Variants in CPD observed in about 807,000 individuals in gnomAD.
CPD encodes the protein metallocarboxypeptidase D.
A neutral mutation model predicts 138.3 loss-of-function variants in CPD; 69 were observed. The ratio of observed to expected loss-of-function variants is 0.50; its 90% confidence interval spans 0.41 to 0.61. The LOEUF (loss-of-function observed/expected upper bound fraction) is 0.61, where lower values mean the gene tolerates loss of function less well. Ranked by LOEUF, CPD falls within the 20% of genes least tolerant of loss-of-function variation. The pLI, the probability that CPD is intolerant of heterozygous loss-of-function variation, is 0.00. For missense variants in CPD, 1,432 were observed against 1,733.3 expected, an observed-to-expected ratio of 0.83 and a Z score of 3.09; for synonymous variants, 651 against 642.1, an observed-to-expected ratio of 1.01 and a Z score of -0.21.
At chr17:30,455,205 A>G (rs1913262726) in intron 14 of CPD, 134 bp from the exon 15 acceptor site, 8 of 736,504 alleles carry the variant, frequency 1.1e-5, no homozygotes. Context: ...ATAGTGGCTT[A>G]TGGAGAAATA....
intron 2 of CPD, among the ~76,000 whole-genome samples, chr17:30,392,302 G>A (rs1299316249): frequency 1.3e-5 from 2 of 152,048 alleles, no homozygotes; most frequent in African/African-American, 2.4e-5. Context: ...GAGCCACTGC[G>A]CCCGGCCTAA....
intron 17 of CPD, chr17:30,456,846 C>CAA (rs11353479): frequency 0.018 from 1,172 of 66,302 alleles, 22 homozygotes; most frequent in African/African-American, 0.05. Context: ...GATTCCATCT[C>CAA]AAAAAAAAAA....
rs958136529 is a variant in CPD, at chr17:30,469,165, T to A, written c.*4351T>A. Reference sequence around the variant, plus strand: ...TAGGAATTGGGAAAGCAAAGTTGTATGAGAAACAGACTCTGCTGATAAAGT... The same window carrying A: ...TAGGAATTGGGAAAGCAAAGTTGTAAGAGAAACAGACTCTGCTGATAAAGT... On this transcript the variant is annotated 3_prime_UTR_variant, in exon 21 of 21. Transcript: ENST00000225719. 2.0e-5 allele frequency: 3 copies of A among 152,170 alleles called. No individual in the cohort carries two copies. The highest frequency in any genetic ancestry group is 7.2e-5 in the African/African-American group (3 of 41,440). The allele number at this position is 152,170 out of a possible 1,614,324, so 9.4% of individuals were successfully genotyped here.
Position 30,421,723 on chromosome 17 carries a change from T to G in CPD, c.1197T>G (p.Asn399Lys), listed in dbSNP as rs1567874494. The G allele has an allele frequency of 6.2e-7, 1 of 1,613,746 alleles. No individual in the cohort carries two copies. The highest frequency in any genetic ancestry group is 8.5e-7 in the Non-Finnish European group (1 of 1,179,668). The change falls in exon 4 of 21, where the codon AAT becomes AAG. Residue 399 changes from asparagine (N) to lysine (K), a missense_variant. By Grantham distance (94) the Asn-to-Lys change is moderately conservative (BLOSUM62 0). Transcript: ENST00000225719. Reference protein sequence around the residue: ...KDSITGSGLENATISVAGINH... With the variant: ...KDSITGSGLEKATISVAGINH... Reference sequence around the variant, plus strand: ...CCATAACAGGATCTGGGTTAGAGAATGCAACCATCTCAGTGGCTGGTATTA... The same window carrying G: ...CCATAACAGGATCTGGGTTAGAGAAGGCAACCATCTCAGTGGCTGGTATTA...
intron 2 of CPD, among the ~76,000 whole-genome samples, chr17:30,399,554 A>G (rs1307137512): frequency 6.6e-6 from 1 of 152,108 alleles, no homozygotes; most frequent in Non-Finnish European, 1.5e-5. Context: ...ATCGTTATGT[A>G]ATGTCCCTCT....
intron 11 of CPD, among the ~76,000 whole-genome samples, chr17:30,445,232 A>G (rs1912994169): frequency 6.6e-6 from 1 of 152,196 alleles, no homozygotes; most frequent in South Asian, 2.1e-4. Context: ...TGGGAGGCAG[A>G]GGCAGGTGGA....
chr17:30,420,763 C>T, intron 2 of CPD, 78 bp from the exon 3 acceptor site: 1 of 1,311,904 alleles, frequency 7.6e-7, no homozygotes, highest in Non-Finnish European at 1.1e-6. Context: ...CCAGAGATGG[C>T]TGATTTAATT....
intron 2 of CPD, among the ~76,000 whole-genome samples, chr17:30,406,683 G>A (rs1387212807): frequency 1.3e-5 from 2 of 152,130 alleles, no homozygotes; most frequent in Non-Finnish European, 2.9e-5. Context: ...GTTACTCTAC[G>A]TCATTGCCTT....
chr17:30,431,437 A>C (rs535183211), intron 7 of CPD, among the ~76,000 whole-genome samples: 1 of 152,248 alleles, frequency 6.6e-6, no homozygotes, highest in African/African-American at 2.4e-5. Context: ...TTGATGCATA[A>C]AAGTTTTTGA....
In CPD at chr17:30,422,816, A is replaced by G; in HGVS notation, c.1450A>G (p.Asn484Asp). 1 of 1,614,092 alleles carries G rather than the reference A, an allele frequency of 6.2e-7. No individual in the cohort carries two copies. The highest frequency in any genetic ancestry group is 2.2e-5 in the East Asian group (1 of 44,878). Residue 484 changes from asparagine (N) to aspartate (D), a missense_variant, in exon 5 of 21, where the codon AAT becomes GAT. Coordinates refer to ENST00000225719, the MANE Select transcript of CPD (RefSeq NM_001304.5). The part of the protein sequence containing the change: ...VSTASTVAIP[N>D]ILSGTSSSYQ... ...AACTGCTAGCACAGTTGCTATACCT[A>G]ATATTCTTTCTGGAACATCATCCTC...
At chr17:30,393,294 G>A (rs1278717737) in intron 2 of CPD, among the ~76,000 whole-genome samples, 1 of 152,188 alleles carries the variant, frequency 6.6e-6, no homozygotes, top group East Asian at 1.9e-4. Context: ...TGATGGAAAA[G>A]GAAGAGCATG....
chr17:30,427,615 G>T, intron 7 of CPD, 57 bp downstream of exon 7: 1 of 1,499,910 alleles, frequency 6.7e-7, no homozygotes, highest in Non-Finnish European at 9.2e-7. Flanking sequence ...TGGAAATCCT[G>T]GTGGAATTTT....
chr17:30,458,748 C>A (rs2143505826), intron 17 of CPD, among the ~76,000 whole-genome samples: 1 of 152,196 alleles, frequency 6.6e-6, no homozygotes, highest in South Asian at 2.1e-4. Context: ...CACCTGTAAT[C>A]CCAGCTACCC....
intron 2 of CPD, among the ~76,000 whole-genome samples, chr17:30,394,253 T>C (rs1911439957): frequency 6.7e-6 from 1 of 149,606 alleles, no homozygotes; most frequent in African/African-American, 2.5e-5. Context: ...GATCCCACAG[T>C]CTGACTCAAG....
intron 2 of CPD, among the ~76,000 whole-genome samples, chr17:30,419,160 TTTG>T (rs1230629191): frequency 6.6e-6 from 1 of 152,164 alleles, no homozygotes; most frequent in Non-Finnish European, 1.5e-5. Flanking sequence ...CTGTCAAAGT[TTTG>T]TTATTTTTGC....
intron 2 of CPD, among the ~76,000 whole-genome samples, chr17:30,387,935 T>C (rs961032502): frequency 2.0e-5 from 3 of 152,178 alleles, no homozygotes; most frequent in Non-Finnish European, 2.9e-5. Context: ...AGGAGCTTTA[T>C]TGAGCTCAGA....
Position 30,465,866 on chromosome 17 carries a change from CTAT to C in CPD, c.*1057_*1059del, listed in dbSNP as rs1913622312. ...CAAGCCTATACCCTGTAATAGCATA[CTAT>C]TATTGAAATCGCTTGACCGGTCTTG... On this transcript the variant is annotated 3_prime_UTR_variant, in exon 21 of 21. Transcript: ENST00000225719. 1 of 152,704 alleles carries C rather than the reference CTAT, an allele frequency of 6.5e-6. No homozygotes were observed. Among genetic ancestry groups the C allele is most frequent in the South Asian group, 2.1e-4 (1 of 4,828 alleles). 9.5% of individuals were successfully genotyped at this position (152,704 alleles called of 1,614,324 possible).
chr17:30,442,267 G>T, intron 9 of CPD, 41 bp from the exon 10 acceptor site: 1 of 1,595,134 alleles, frequency 6.3e-7, no homozygotes, highest in Non-Finnish European at 8.6e-7. Context: ...GAGCTGTTTA[G>T]AACTTCTTCA....
intron 8 of CPD, among the ~76,000 whole-genome samples, chr17:30,432,496 A>G (rs1382574431): frequency 6.6e-6 from 1 of 152,220 alleles, no homozygotes; most frequent in Non-Finnish European, 1.5e-5. Context: ...GTAGTTACAT[A>G]TAGCAAGGAA....
Sources: allele counts gnomAD v4.1 joint callset (sites outside exome capture counted in the v4.1 genomes callset), GRCh38; gene constraint gnomAD v4.1.1; transcripts MANE v1.5; gene names NCBI Gene and HGNC (gene_info 2026-07-23, HGNC 2026-07-21).